Variants in CATSPERD observed in about 807,000 individuals in gnomAD.
CATSPERD encodes cation channel sperm-associated auxiliary subunit delta.
In CATSPERD, 86 loss-of-function variants were observed where a neutral mutation model predicts 98.1. The observed-to-expected ratio is 0.88, with a 90% CI of 0.74 to 1.05. The LOEUF (loss-of-function observed/expected upper bound fraction) is 1.05. Ranked by LOEUF, CATSPERD falls within the 50% of genes least tolerant of loss-of-function variation. The pLI is 0.00. For missense variants in CATSPERD, 995 were observed against 1,005.7 expected (o/e 0.99, Z 0.14); for synonymous variants, 394 against 390.2 (o/e 1.01, Z -0.12).
chr19:5,728,478 A>C (rs557557365), intron 3 of CATSPERD, among the ~76,000 whole-genome samples: 2 of 151,724 alleles, frequency 1.3e-5, no homozygotes, highest in Admixed American at 1.3e-4. Context: ...TTACTTGAGC[A>C]CAGGAGTTCG....
At chr19:5,763,788 T>C (rs1467147886) in intron 16 of CATSPERD, among the ~76,000 whole-genome samples, 1 of 150,682 alleles carries the variant, frequency 6.6e-6, no homozygotes, top group Non-Finnish European at 1.5e-5. Context: ...GCCTGGGCCA[T>C]TTTTGTATTT....
At chr19:5,750,399 A>G (rs564046576) in intron 11 of CATSPERD, among the ~76,000 whole-genome samples, 21 of 143,568 alleles carry the variant, frequency 1.5e-4, no homozygotes, top group African/African-American at 4.9e-4. Flanking sequence ...TGCAGTGAGC[A>G]GAGATCAAGC....
chr19:5,752,795 A>G (rs1012260056), intron 12 of CATSPERD, among the ~76,000 whole-genome samples: 2 of 152,076 alleles, frequency 1.3e-5, no homozygotes, highest in Non-Finnish European at 2.9e-5. Context: ...TGGGAGGCCG[A>G]GGCGGGCGGA....
intron 1 of CATSPERD, among the ~76,000 whole-genome samples, chr19:5,721,406 A>G (rs908166672): frequency 2.0e-5 from 3 of 152,210 alleles, no homozygotes; most frequent in African/African-American, 7.2e-5. Context: ...CCGCCTCCCA[A>G]AGTGCTGGGA....
At position 5,778,417 on chromosome 19, in the gene CATSPERD, G is replaced by A. The variant is rs761512506; in HGVS notation, c.2138G>A (p.Gly713Glu). 11 of 1,613,562 alleles carry A rather than the reference G, an allele frequency of 6.8e-6. No homozygotes were observed. The highest frequency in any genetic ancestry group is 1.1e-5 in the South Asian group (1 of 91,072). The change falls in exon 22 of 22, where the codon GGA becomes GAA. Residue 713 changes from glycine (G) to glutamate (E), a missense_variant. By Grantham distance (98) the Gly-to-Glu change is moderately conservative. Around this residue, in one of 3 missense-constraint regions of CATSPERD, gnomAD observed 762 missense variants for 773.7 expected, o/e 0.98. Transcript: ENST00000381624. ...ACCATCTTTAGCATCTACGTGTATG[G>A]AGCATTCCCCGTGCAGCTGGTCTCT... ...LETIFSIYVY[G>E]AFPVQLVSAG...
chr19:5,737,056 C>G, intron 5 of CATSPERD, 82 bp from the exon 6 acceptor site: 1 of 897,532 alleles, frequency 1.1e-6, no homozygotes, highest in South Asian at 1.5e-5. Flanking sequence ...GACTCTGTCT[C>G]AAAAACAAAA....
intron 1 of CATSPERD, among the ~76,000 whole-genome samples, chr19:5,721,126 G>GTAGC (rs1360465137): frequency 2.0e-5 from 3 of 150,638 alleles, no homozygotes; most frequent in African/African-American, 7.3e-5. Flanking sequence ...AGCCTCCTGA[G>GTAGC]TAGCTGGGAC....
chr19:5,739,843 A>AAAAAAAG (rs1568348340), intron 7 of CATSPERD, among the ~76,000 whole-genome samples: 1 of 60,450 alleles, frequency 1.7e-5, no homozygotes, highest in Non-Finnish European at 3.7e-5. Flanking sequence ...CATCTCAAAA[A>AAAAAAAG]AAAAAAAAAA....
chr19:5,750,264 C>T (rs185018548), intron 11 of CATSPERD, among the ~76,000 whole-genome samples: 217 of 147,732 alleles, frequency 1.5e-3, no homozygotes, highest in East Asian at 3.5e-3. Flanking sequence ...CTGGCTAACA[C>T]GGTGAAACCC....
In CATSPERD at chr19:5,733,843, T is replaced by A. The variant is rs1209491402; in HGVS notation, c.277-13T>A. ...GATGCTCTCATTGATATCATCCATA[T>A]GATAACTTTTAGGTCGGCGTACCAG... On this transcript the variant is annotated splice_polypyrimidine_tract_variant and intron_variant, in intron 4 of 21. Coordinates refer to ENST00000381624, the MANE Select transcript of CATSPERD (RefSeq NM_152784.4). 13 of 1,563,766 alleles carry A rather than the reference T, an allele frequency of 8.3e-6. No individual in the cohort carries two copies. The highest frequency in any genetic ancestry group is 1.1e-5 in the Non-Finnish European group (13 of 1,137,828).
At chr19:5,729,152 G>A (rs1320617724) in intron 3 of CATSPERD, among the ~76,000 whole-genome samples, 13 of 151,696 alleles carry the variant, frequency 8.6e-5, no homozygotes, top group Non-Finnish European at 7.4e-5. Flanking sequence ...CTGGCGTGCA[G>A]TGGCATGATC....
chr19:5,757,733 A>G (rs1409365785), intron 13 of CATSPERD, 110 bp from the exon 14 acceptor site: 1 of 738,898 alleles, frequency 1.4e-6, no homozygotes, highest in Non-Finnish European at 2.2e-6. Context: ...GAGCCACTAC[A>G]CCCAGCCCTG....
chr19:5,777,126 C>T (rs1332102067), intron 21 of CATSPERD, among the ~76,000 whole-genome samples: 1 of 152,066 alleles, frequency 6.6e-6, no homozygotes, highest in Non-Finnish European at 1.5e-5. Context: ...TGGAAATCTT[C>T]CTCATATCCT....
chr19:5,759,708 G>C (rs1264174251), intron 15 of CATSPERD, among the ~76,000 whole-genome samples: 1 of 151,926 alleles, frequency 6.6e-6, no homozygotes, highest in Non-Finnish European at 1.5e-5. Context: ...CAACCCACCG[G>C]TCCATCACCA....
intron 20 of CATSPERD, among the ~76,000 whole-genome samples, chr19:5,774,020 T>G: frequency 7.1e-6 from 1 of 140,414 alleles, no homozygotes; most frequent in Admixed American, 8.1e-5. Flanking sequence ...CAGGCTGGAG[T>G]GCAGTGGCGC....
chr19:5,763,957 C>T (rs916496023), intron 16 of CATSPERD, among the ~76,000 whole-genome samples: 2 of 148,472 alleles, frequency 1.3e-5, no homozygotes, highest in Non-Finnish European at 3.0e-5. Context: ...AAGCAATTCT[C>T]CTAACCTCAG....
Position 5,724,827 on chromosome 19 carries a change from G to A in CATSPERD, c.91G>A (p.Gly31Arg). ...QLCRSRTVRT[G>R]KVFNLIQDVQ... ...TTCTAGTTCTCGCACAGTGAGGACAGGAAAAGTGTTTAATCTGATACAGGA... is the reference window on the plus strand; with the variant it reads ...TTCTAGTTCTCGCACAGTGAGGACAAGAAAAGTGTTTAATCTGATACAGGA... The change falls in exon 2 of 22, where the codon GGA becomes AGA. Residue 31 changes from glycine (G) to arginine (R), a missense_variant. Coordinates refer to ENST00000381624, the MANE Select transcript of CATSPERD (RefSeq NM_152784.4). 2 of 1,614,112 alleles carry A rather than the reference G, an allele frequency of 1.2e-6. No homozygotes were observed. The highest frequency in any genetic ancestry group is 1.7e-6 in the Non-Finnish European group (2 of 1,179,966).
At chr19:5,763,847 C>CTTTTTTTT (rs56352544) in intron 16 of CATSPERD, among the ~76,000 whole-genome samples, 14,294 of 61,714 alleles carry the variant, frequency 0.23, 4,240 homozygotes, top group South Asian at 0.4. Context: ...TCTTGAACTC[C>CTTTTTTTT]TTTTTTTTTT....
chr19:5,747,610 CTTTTTTTTTTTTTT>C (rs10603074), intron 9 of CATSPERD, among the ~76,000 whole-genome samples: 4 of 87,656 alleles, frequency 4.6e-5, no homozygotes, highest in African/African-American at 1.7e-4. Flanking sequence ...TTTTTCTTTT[CTTTTTTTTTTTTTT>C]TTTTTTGAGA....
Sources: allele counts gnomAD v4.1 joint callset (sites outside exome capture counted in the v4.1 genomes callset), GRCh38; gene constraint gnomAD v4.1.1; regional missense constraint gnomAD v4.1.1; transcripts MANE v1.5; gene names NCBI Gene and HGNC (gene_info 2026-07-23, HGNC 2026-07-21).